Variants in CR2 observed in about 807,000 individuals in gnomAD.
CR2 encodes the protein complement receptor type 2.
A neutral mutation model predicts 123.0 loss-of-function variants in CR2; 96 were observed. That is an observed-to-expected ratio of 0.78 (90% CI 0.66 to 0.93). The LOEUF is 0.93. CR2 is among the 40% of genes least tolerant of loss of function. The probability of loss-of-function intolerance (pLI) is 0.00; values close to 1 mark genes in which losing one functional copy is unlikely to be tolerated. For missense variants in CR2, 1,258 were observed against 1,361.0 expected (o/e 0.92, Z 1.19); for synonymous variants, 484 against 469.5 (o/e 1.03, Z -0.40).
chr1:207,482,159 G>A (rs568944743), intron 18 of CR2, among the ~76,000 whole-genome samples: 2 of 152,066 alleles, frequency 1.3e-5, no homozygotes, highest in Admixed American at 6.5e-5. Flanking sequence ...AGTCACAAAA[G>A]TTGTTTTTCC....
chr1:207,468,780 A>T lies in CR2; in HGVS notation c.635-20A>T, dbSNP rs17045039. The T allele has an allele frequency of 1.4e-3, 2,228 of 1,613,828 alleles. 28 individuals carry two copies. In the African/African-American group the frequency reaches 0.027, roughly 19 times the overall value. ...TTCTGTTATTTGCCATGCATTTCTC[A>T]TCTTTGGTTTGTTTTTTAGAGGCAC... On this transcript the variant is annotated intron_variant, in intron 3 of 19. Transcript: ENST00000367057.
At position 207,466,811 on chromosome 1, in the gene CR2, C is replaced by A; in HGVS notation, c.344C>A (p.Thr115Lys). ...CCCTACAGACATGGTGATTCTGTGACATTTGCCTGTAAAACCAACTTCTCC... is the reference window on the plus strand; with the variant it reads ...CCCTACAGACATGGTGATTCTGTGAAATTTGCCTGTAAAACCAACTTCTCC... The part of the protein sequence containing the change: ...STPYRHGDSV[T>K]FACKTNFSMN... The change falls in exon 2 of 20, where the codon ACA (threonine) becomes AAA (lysine). Residue 115 changes from threonine (T) to lysine (K), a missense_variant. By Grantham distance (78) the Thr-to-Lys change is moderately conservative. Coordinates refer to ENST00000367057, the MANE Select transcript of CR2 (RefSeq NM_001006658.3). The A allele has an allele frequency of 6.2e-7, 1 of 1,613,858 alleles. No individual in the cohort carries two copies. The highest frequency in any genetic ancestry group is 8.5e-7 in the Non-Finnish European group (1 of 1,179,924).
At chr1:207,467,686 T>G (rs1428073885) in intron 2 of CR2, among the ~76,000 whole-genome samples, 2 of 152,214 alleles carry the variant, frequency 1.3e-5, no homozygotes, top group African/African-American at 4.8e-5. Context: ...ATTGATTGAT[T>G]GATAAATAGC....
At chr1:207,485,385 T>C in intron 18 of CR2, 79 bp from the exon 19 acceptor site, 1 of 891,494 alleles carries the variant, frequency 1.1e-6, no homozygotes, top group Non-Finnish European at 1.9e-6. Flanking sequence ...TGTTGGGAAT[T>C]ATGGAAAGCA....
At chr1:207,476,723 A>G (rs1282318530) in intron 15 of CR2, among the ~76,000 whole-genome samples, 1 of 152,244 alleles carries the variant, frequency 6.6e-6, no homozygotes, top group Non-Finnish European at 1.5e-5. Context: ...CAGTTATGTT[A>G]AGTGTGTATT....
chr1:207,460,032 G>T (rs1277925575), intron 1 of CR2, among the ~76,000 whole-genome samples: 1 of 152,146 alleles, frequency 6.6e-6, no homozygotes, highest in African/African-American at 2.4e-5. Context: ...CTTCGTCCAT[G>T]TCATTGCCAC....
chr1:207,461,815 G>T (rs1003247823), intron 1 of CR2, among the ~76,000 whole-genome samples: 7 of 152,130 alleles, frequency 4.6e-5, no homozygotes, highest in Non-Finnish European at 8.8e-5. Flanking sequence ...TGTAATAGAG[G>T]CATATTTGGG....
chr1:207,474,536 A>G (rs1658380661), intron 13 of CR2, among the ~76,000 whole-genome samples: 2 of 152,206 alleles, frequency 1.3e-5, no homozygotes, highest in South Asian at 4.2e-4. Context: ...AATTTTGCTA[A>G]CAATAACAAA....
At position 207,489,616 on chromosome 1, in the gene CR2, C is replaced by T. The variant is rs1434229380; in HGVS notation, c.*493C>T. On this transcript the variant is annotated 3_prime_UTR_variant, in exon 20 of 20. Transcript: ENST00000367057. The stretch of plus-strand genomic sequence containing the variant: ...TTTATTTTGATAGTAGCTTCCTCCT[C>T]TGGTGGTGTTAATCATTTCATTTTT... 1 of 152,228 alleles carries T rather than the reference C, an allele frequency of 6.6e-6. No individual in the cohort carries two copies. Among genetic ancestry groups the T allele is most frequent in the Admixed American group, 6.5e-5 (1 of 15,284 alleles). The allele number at this position is 152,228 out of a possible 1,614,324, so 9.4% of individuals were successfully genotyped here.
At position 207,489,738 on chromosome 1, in the gene CR2, A is replaced by T. The variant is rs986277520; in HGVS notation, c.*615A>T. 2.0e-5 allele frequency: 3 copies of T among 152,110 alleles called. No individual in the cohort carries two copies. The highest frequency in any genetic ancestry group is 2.0e-4 in the Admixed American group (3 of 15,270). The allele number at this position is 152,110 out of a possible 1,614,324, so 9.4% of individuals were successfully genotyped here. A position where few individuals can be genotyped will look rare whatever the true frequency, so the allele number is the denominator to read the frequency against. On this transcript the variant is annotated 3_prime_UTR_variant, in exon 20 of 20. Coordinates refer to ENST00000367057, the MANE Select transcript of CR2 (RefSeq NM_001006658.3). ...CAATTTGCACAAGTTTTTTTAAATT[A>T]TGGGAATCAAGATTTAATCCTAGAG...
At chr1:207,478,938 A>G (rs1284761992) in intron 16 of CR2, among the ~76,000 whole-genome samples, 2 of 151,904 alleles carry the variant, frequency 1.3e-5, no homozygotes, top group African/African-American at 4.8e-5. Flanking sequence ...GATATAACTC[A>G]AGGTTCCAAT....
rs148532259 is a variant in CR2 at position 207,474,250 on chromosome 1, G to A, written c.2250G>A (p.Leu750=). The A allele has an allele frequency of 1.9e-5, 30 of 1,612,384 alleles. No individual in the cohort carries two copies. The highest frequency in any genetic ancestry group is 1.8e-5 in the Non-Finnish European group (21 of 1,178,532). ...VNTSCQDGYQ[L]TGHAYQMCQD... Reference sequence around the variant, plus strand: ...ATCTGTCTCTCTGTAGGTACCAGTTGACTGGACATGCTTATCAGATGTGTC... The same window carrying A: ...ATCTGTCTCTCTGTAGGTACCAGTTAACTGGACATGCTTATCAGATGTGTC... The change falls in exon 13 of 20, where the codon TTG becomes TTA. Residue 750 remains leucine, a synonymous_variant. Coordinates refer to ENST00000367057, the MANE Select transcript of CR2 (RefSeq NM_001006658.3).
At position 207,454,895 on chromosome 1, in the gene CR2, C is replaced by G. The variant is rs1657796637; in HGVS notation, c.58+419C>G. On this transcript the variant is annotated intron_variant, in intron 1 of 19. Transcript: ENST00000367057. This position sits in a 1 kb window ranked among gnomAD's most constrained non-coding sequence, Gnocchi z 4.3. ...AGCCACGTGAGGCTGTTTCTGTACA[C>G]CCGAACCGCGCTCTTGCCCAGCAAA... 2 of 170,220 alleles carry G rather than the reference C, an allele frequency of 1.2e-5. No homozygotes were observed. The highest frequency in any genetic ancestry group is 6.0e-5 in the Admixed American group (1 of 16,694). 10.5% of individuals were successfully genotyped at this position (170,220 alleles called of 1,614,324 possible).
rs61754517 is a variant in CR2, at chr1:207,476,264, C to T, written c.2747C>T (p.Thr916Ile). 6.4e-4 allele frequency: 1,029 copies of T among 1,613,856 alleles called. 9 individuals are homozygous for T. Among genetic ancestry groups the T allele is most frequent in the South Asian group, 4.3e-3 (393 of 91,074 alleles). Residue 916 changes from threonine (T) to isoleucine (I), a missense_variant, in exon 15 of 20, where the codon ACC becomes ATC. By Grantham distance (89) the Thr-to-Ile change is moderately conservative. Coordinates refer to ENST00000367057, the MANE Select transcript of CR2 (RefSeq NM_001006658.3). ...AFIGCPPPPK[T>I]PNGNHTGGNI... ...ATAGGGTGTCCACCTCCGCCTAAGA[C>T]CCCTAACGGGAACCATACTGGTGGA...
chr1:207,479,600 TGA>T (rs1482988188), intron 17 of CR2, among the ~76,000 whole-genome samples: 1 of 152,218 alleles, frequency 6.6e-6, no homozygotes, highest in Admixed American at 6.5e-5. Context: ...ATTTCACAGC[TGA>T]GAGTTAAATG....
At chr1:207,470,973 T>G (rs1658260133) in intron 7 of CR2, 24 bp from the exon 8 acceptor site, 1 of 1,613,762 alleles carries the variant, frequency 6.2e-7, no homozygotes, top group South Asian at 1.1e-5. Context: ...TGAATTAAAT[T>G]CTCATCCTAG....
At chr1:207,486,080 A>C (rs1658740314) in intron 19 of CR2, among the ~76,000 whole-genome samples, 1 of 151,664 alleles carries the variant, frequency 6.6e-6, no homozygotes, top group Non-Finnish European at 1.5e-5. Context: ...AAAATACAAA[A>C]ATTAGCCAAG....
In CR2 at chr1:207,471,458, A is replaced by G. The variant is rs1277484167; in HGVS notation, c.1529A>G (p.Gln510Arg). The G allele has an allele frequency of 2.5e-6, 4 of 1,613,176 alleles. No homozygotes were observed. In the South Asian group the frequency reaches 4.4e-5, roughly 18 times the overall value. The stretch of plus-strand genomic sequence containing the variant: ...AGTGGGAGTGTTTATCAGGAGTGTC[A>G]AGGCACAATTCCTTGGTTTATGGAG... The part of the protein sequence containing the change: ...KLSGSVYQEC[Q>R]GTIPWFMEIR... The change falls in exon 9 of 20, where the codon CAA becomes CGA. Residue 510 changes from glutamine to arginine, a missense_variant. Coordinates refer to ENST00000367057, the MANE Select transcript of CR2 (RefSeq NM_001006658.3).
At chr1:207,474,001 G>C in intron 12 of CR2, 116 bp downstream of exon 12, 1 of 992,862 alleles carries the variant, frequency 1.0e-6, no homozygotes, top group Non-Finnish European at 1.6e-6. Flanking sequence ...CACAGGCATG[G>C]AGAATATGAG....
Sources: allele counts gnomAD v4.1 joint callset (sites outside exome capture counted in the v4.1 genomes callset), GRCh38; gene constraint gnomAD v4.1.1; non-coding constraint Gnocchi (gnomAD v3.1); transcripts MANE v1.5; gene names NCBI Gene and HGNC (gene_info 2026-07-23, HGNC 2026-07-21).